The following CCDC158 variants were observed in gnomAD, a reference collection of about 807,000 sequenced individuals.
CCDC158 encodes coiled-coil domain containing 158.
In CCDC158, 116 loss-of-function variants were observed where a neutral mutation model predicts 138.6. The observed-to-expected ratio is 0.84, with a 90% CI of 0.72 to 0.98. CCDC158 has a LOEUF of 0.98. Ranked by LOEUF, CCDC158 falls within the 50% of genes least tolerant of loss-of-function variation. The pLI is 0.00. For synonymous variants in CCDC158, 436 were observed against 442.4 expected (o/e 0.99, Z 0.18); for missense variants, 1,265 against 1,306.1 (o/e 0.97, Z 0.48).
In CCDC158 at chr4:76,371,407, A is replaced by G; in HGVS notation, c.1149+10T>C. On this transcript the variant is annotated intron_variant, in intron 10 of 24. Coordinates refer to ENST00000682701, the MANE Select transcript of CCDC158 (RefSeq NM_001394954.1). ...ATTAGTCTTATTCATATTTTAAAGC[A>G]TAATCTTACCAACAGCTTTTGAAGT... is the stretch of plus-strand genomic sequence containing the variant. The G allele has an allele frequency of 6.2e-7, 1 of 1,613,322 alleles. No individual in the cohort carries two copies. The highest frequency in any genetic ancestry group is 8.5e-7 in the Non-Finnish European group (1 of 1,179,568).
intron 20 of CCDC158, among the ~76,000 whole-genome samples, chr4:76,331,807 G>T (rs537895792): frequency 6.6e-6 from 1 of 152,170 alleles, no homozygotes; most frequent in Non-Finnish European, 1.5e-5. Flanking sequence ...TGAGGGACAT[G>T]TACTTAATGC....
Position 76,363,044 on chromosome 4 carries a change from G to T in CCDC158, c.1831-729C>A, listed in dbSNP as rs963072425. 4.6e-5 allele frequency among the ~76,000 whole-genome samples: 7 copies of T among 152,214 alleles called. No individual in the cohort carries two copies. In the East Asian group the frequency reaches 5.8e-4, roughly 13 times the overall value. On this transcript the variant is annotated intron_variant, in intron 12 of 24. Coordinates refer to ENST00000682701, the MANE Select transcript of CCDC158 (RefSeq NM_001394954.1). ...CCCTTGACTGTCGTCTGGGAACTTGGATTTTGGGAGGGTTCCCACCACCCT... is the reference window on the plus strand; with the variant it reads ...CCCTTGACTGTCGTCTGGGAACTTGTATTTTGGGAGGGTTCCCACCACCCT...
At chr4:76,411,256 G>A (rs1729271730) in intron 2 of CCDC158, among the ~76,000 whole-genome samples, 1 of 152,046 alleles carries the variant, frequency 6.6e-6, no homozygotes, top group Non-Finnish European at 1.5e-5. Flanking sequence ...GAAAAAATTA[G>A]CCGGGCATGG....
chr4:76,333,827 C>T (rs1476774569), intron 19 of CCDC158, 183 bp downstream of exon 19: 1 of 409,390 alleles, frequency 2.4e-6, no homozygotes, highest in African/African-American at 2.0e-5. Flanking sequence ...ATTGTTTTCT[C>T]TTAGTGTCAA....
intron 8 of CCDC158, among the ~76,000 whole-genome samples, chr4:76,380,972 T>G (rs1726183511): frequency 6.6e-6 from 1 of 152,200 alleles, no homozygotes; most frequent in Non-Finnish European, 1.5e-5. Context: ...AGCTTCCATG[T>G]GGTGTTGAGC....
At chr4:76,393,590 A>T (rs755162078) in intron 4 of CCDC158, among the ~76,000 whole-genome samples, 26 of 152,070 alleles carry the variant, frequency 1.7e-4, no homozygotes, top group Non-Finnish European at 2.8e-4. Flanking sequence ...TTCTCGAGTA[A>T]TACCCTACAT....
chr4:76,362,392 CACAGTCCTAAAATCTGACA>C, intron 12 of CCDC158, 77 bp from the exon 13 acceptor site: 1 of 1,048,716 alleles, frequency 9.5e-7, no homozygotes, highest in African/African-American at 1.6e-5. Flanking sequence ...TAGCTGCTAA[CACAGTCCTAAAATCTGACA>C]ACAGTCTCCT....
At chr4:76,420,780 T>C (rs1730057578) in intron 1 of CCDC158, among the ~76,000 whole-genome samples, 185 bp downstream of exon 1, 1 of 152,182 alleles carries the variant, frequency 6.6e-6, no homozygotes, top group Non-Finnish European at 1.5e-5. Context: ...CCAGGGGTCT[T>C]GCAATCCCCT....
intron 3 of CCDC158, among the ~76,000 whole-genome samples, chr4:76,402,860 G>T (rs1368755309): frequency 6.6e-6 from 1 of 152,212 alleles, no homozygotes; most frequent in Non-Finnish European, 1.5e-5. Context: ...AGGAAGGCAG[G>T]CTAGGAAGAC....
chr4:76,359,906 T>A (rs2870228), intron 13 of CCDC158, among the ~76,000 whole-genome samples: 1 of 152,202 alleles, frequency 6.6e-6, no homozygotes, highest in African/African-American at 2.4e-5. Context: ...TGTTCATAGC[T>A]AAGACAATGG....
chr4:76,370,050 G>A (rs1329198533), intron 10 of CCDC158, among the ~76,000 whole-genome samples: 1 of 152,160 alleles, frequency 6.6e-6, no homozygotes, highest in African/African-American at 2.4e-5. Flanking sequence ...GGCTGGTACT[G>A]GAATTGGAGT....
intron 2 of CCDC158, among the ~76,000 whole-genome samples, chr4:76,408,844 A>G (rs991299441): frequency 6.6e-6 from 1 of 152,150 alleles, no homozygotes; most frequent in Non-Finnish European, 1.5e-5. Flanking sequence ...CCTCTCCAGC[A>G]CCTGTTGTTT....
chr4:76,401,275 T>A, intron 3 of CCDC158: 1 of 481,692 alleles, frequency 2.1e-6, no homozygotes, highest in Non-Finnish European at 4.1e-6. Flanking sequence ...CAAACACCCA[T>A]CAGACTTTCT....
chr4:76,370,836 T>C (rs776629804), intron 10 of CCDC158, among the ~76,000 whole-genome samples: 7 of 152,204 alleles, frequency 4.6e-5, no homozygotes, highest in Non-Finnish European at 1.0e-4. Context: ...CAAACCCTTG[T>C]CAGCCTGCAA....
intron 21 of CCDC158, among the ~76,000 whole-genome samples, chr4:76,329,471 C>G (rs1010550070): frequency 2.0e-5 from 3 of 152,082 alleles, no homozygotes; most frequent in African/African-American, 7.2e-5. Context: ...GTAGTCCCGG[C>G]TACTCAGGAG....
At chr4:76,332,311 G>A (rs879753282) in intron 20 of CCDC158, 121 bp downstream of exon 20, 26 of 709,202 alleles carry the variant, frequency 3.7e-5, no homozygotes, top group African/African-American at 2.8e-4. Flanking sequence ...GTTAAACAAC[G>A]AACCCAATAT....
At chr4:76,392,317 C>A (rs28794193) in intron 4 of CCDC158, among the ~76,000 whole-genome samples, 4,478 of 151,948 alleles carry the variant, frequency 0.029, 218 homozygotes, top group African/African-American at 0.1. Context: ...GATGGTTAAA[C>A]ATATGTAAAT....
intron 24 of CCDC158, among the ~76,000 whole-genome samples, chr4:76,315,219 C>T (rs973193448): frequency 2.0e-5 from 3 of 152,114 alleles, no homozygotes; most frequent in Non-Finnish European, 4.4e-5. Context: ...ACTCCACTGG[C>T]CCAAGAACCA....
chr4:76,316,748 T>G (rs1057348665), intron 24 of CCDC158, among the ~76,000 whole-genome samples: 2 of 151,910 alleles, frequency 1.3e-5, no homozygotes, highest in African/African-American at 2.4e-5. Context: ...ACCTATCAGA[T>G]TAACAGCAGA....
Sources: allele counts gnomAD v4.1 joint callset (sites outside exome capture counted in the v4.1 genomes callset), GRCh38; gene constraint gnomAD v4.1.1; transcripts MANE v1.5; gene names NCBI Gene and HGNC (gene_info 2026-07-23, HGNC 2026-07-21).